SGCZ: variants seen among roughly 807,000 people sequenced by gnomAD.
SGCZ encodes sarcoglycan zeta.
In SGCZ, 40 loss-of-function variants were observed where a neutral mutation model predicts 41.3. The observed-to-expected ratio is 0.97, with a 90% CI of 0.75 to 1.26. The LOEUF (loss-of-function observed/expected upper bound fraction) is 1.26, where lower values mean the gene tolerates loss of function less well. Among genes scored for constraint, SGCZ ranks in the 50% most tolerant of loss-of-function variants. SGCZ has a pLI of 0.00. For synonymous variants in SGCZ, 206 were observed against 137.5 expected, an observed-to-expected ratio of 1.50 and a Z score of -3.49; for missense variants, 552 against 369.8, an observed-to-expected ratio of 1.49 and a Z score of -4.04.
At chr8:15,052,639 G>A (rs1047988818) in intron 1 of SGCZ, among the ~76,000 whole-genome samples, 3 of 152,052 alleles carry the variant, frequency 2.0e-5, no homozygotes, top group African/African-American at 7.2e-5. Flanking sequence ...TGGGACATAT[G>A]ACAGAGATTG....
intron 6 of SGCZ, among the ~76,000 whole-genome samples, chr8:14,103,918 G>A (rs763625622): frequency 1.7e-4 from 26 of 152,088 alleles, no homozygotes; most frequent in Non-Finnish European, 2.6e-4. Context: ...ATGTTAAAAT[G>A]TATTTTTTAT....
intron 1 of SGCZ, among the ~76,000 whole-genome samples, chr8:14,828,954 C>CT (rs200359290): frequency 0.029 from 4,451 of 151,288 alleles, 188 homozygotes; most frequent in African/African-American, 0.094. Flanking sequence ...CTTTGGAGTC[C>CT]TTTTTTTTGT....
chr8:14,379,019 G>C (rs1023568565), intron 2 of SGCZ, among the ~76,000 whole-genome samples: 1 of 152,068 alleles, frequency 6.6e-6, no homozygotes, highest in African/African-American at 2.4e-5. Flanking sequence ...CATTATCCCA[G>C]AATCTTAATT....
intron 1 of SGCZ, among the ~76,000 whole-genome samples, chr8:14,661,030 G>T (rs1807730826): frequency 6.6e-6 from 1 of 152,008 alleles, no homozygotes; most frequent in African/African-American, 2.4e-5. Flanking sequence ...TATTTAGAGG[G>T]TTCTTCCCAG....
At chr8:14,407,278 A>G (rs980952889) in intron 2 of SGCZ, among the ~76,000 whole-genome samples, 5 of 152,004 alleles carry the variant, frequency 3.3e-5, no homozygotes, top group Admixed American at 3.3e-4. Flanking sequence ...CATGCTGGCC[A>G]GGCTGGTCAC....
At chr8:14,637,630 T>C (rs1424218474) in intron 1 of SGCZ, among the ~76,000 whole-genome samples, 6 of 151,848 alleles carry the variant, frequency 4.0e-5, no homozygotes, top group African/African-American at 9.7e-5. Flanking sequence ...GCTGCGTCCA[T>C]GGTGCTGCAA....
chr8:14,992,047 A>C (rs1181605455), intron 1 of SGCZ, among the ~76,000 whole-genome samples: 1 of 139,378 alleles, frequency 7.2e-6, no homozygotes, highest in Non-Finnish European at 1.6e-5. Flanking sequence ...ATCTACTCCC[A>C]AAACCAATGT....
chr8:14,575,252 C>T (rs921960600), intron 1 of SGCZ, among the ~76,000 whole-genome samples: 11 of 152,010 alleles, frequency 7.2e-5, no homozygotes, highest in African/African-American at 2.7e-4. Context: ...AAGAAGTAAA[C>T]CACTGGAATA....
At chr8:14,920,827 G>C (rs879397717) in intron 1 of SGCZ, among the ~76,000 whole-genome samples, 1 of 152,072 alleles carries the variant, frequency 6.6e-6, no homozygotes, top group Non-Finnish European at 1.5e-5. Flanking sequence ...ATTCTGGGAG[G>C]TTTCATTAAG....
intron 1 of SGCZ, among the ~76,000 whole-genome samples, chr8:14,884,292 A>T (rs1481848182): frequency 6.6e-6 from 1 of 152,152 alleles, no homozygotes; most frequent in Non-Finnish European, 1.5e-5. Context: ...TTTTTGATGC[A>T]CCTTATTGGG....
intron 1 of SGCZ, among the ~76,000 whole-genome samples, chr8:14,727,298 GAGCTTTAGA>G (rs1810086310): frequency 6.6e-6 from 1 of 152,102 alleles, no homozygotes; most frequent in Non-Finnish European, 1.5e-5. Flanking sequence ...CTGTTTAGAG[GAGCTTTAGA>G]AGTTTAGACA....
chr8:14,194,082 C>T (rs569522974), intron 4 of SGCZ, among the ~76,000 whole-genome samples: 2 of 151,626 alleles, frequency 1.3e-5, no homozygotes, highest in East Asian at 1.9e-4. Context: ...AATAAAGAAA[C>T]ATTCTGTGAA....
chr8:14,795,049 G>C (rs1478414740), intron 1 of SGCZ, among the ~76,000 whole-genome samples: 2 of 152,130 alleles, frequency 1.3e-5, no homozygotes, highest in African/African-American at 4.8e-5. Flanking sequence ...GGTTTACAAA[G>C]ATGAGAAAAT....
chr8:14,265,616 T>A (rs916541744), intron 3 of SGCZ, among the ~76,000 whole-genome samples: 1 of 152,128 alleles, frequency 6.6e-6, no homozygotes, highest in Non-Finnish European at 1.5e-5. Context: ...TCAAAGAATG[T>A]GCTCATGTAA....
At chr8:14,462,971 A>G (rs1240209655) in intron 2 of SGCZ, among the ~76,000 whole-genome samples, 1 of 151,504 alleles carries the variant, frequency 6.6e-6, no homozygotes. Flanking sequence ...TTGCTTTTGT[A>G]ACTTTCTTTT....
At chr8:14,508,530 C>T (rs1337764594) in intron 2 of SGCZ, among the ~76,000 whole-genome samples, 1 of 152,116 alleles carries the variant, frequency 6.6e-6, no homozygotes, top group East Asian at 1.9e-4. Context: ...TTGAACTAGG[C>T]ATGTTCATTT....
chr8:14,291,349 G>A (rs1183856457), intron 3 of SGCZ, among the ~76,000 whole-genome samples: 1 of 151,806 alleles, frequency 6.6e-6, no homozygotes, highest in African/African-American at 2.4e-5. Flanking sequence ...TGATAGATAT[G>A]CTAATTACCT....
intron 1 of SGCZ, among the ~76,000 whole-genome samples, chr8:15,075,451 T>C (rs570587919): frequency 6.6e-6 from 1 of 152,290 alleles, no homozygotes; most frequent in African/African-American, 2.4e-5. Flanking sequence ...CTTTTGTAAG[T>C]ATCTTTTTTT....
chr8:14,930,948 G>A (rs1176357880), intron 1 of SGCZ, among the ~76,000 whole-genome samples: 3 of 151,898 alleles, frequency 2.0e-5, no homozygotes, highest in Non-Finnish European at 2.9e-5. Flanking sequence ...AACCACCATG[G>A]CACGTGTATA....
Sources: gnomAD v4.1 joint callset for allele counts (sites outside exome capture counted in the v4.1 genomes callset) on GRCh38, gnomAD v4.1.1 for gene constraint, MANE v1.5 for transcripts, NCBI Gene and HGNC (gene_info 2026-07-23, HGNC 2026-07-21) for gene names.